Variants in TMX3 observed in about 807,000 individuals in gnomAD.
TMX3 encodes the protein protein disulfide-isomerase TMX3.
TMX3 carries 40 observed loss-of-function variants against 64.4 expected under a neutral mutation model. The ratio of observed to expected loss-of-function variants is 0.62; its 90% CI spans 0.48 to 0.81. TMX3 has a LOEUF of 0.81. Among genes scored for constraint, TMX3 ranks in the 30% least tolerant of loss-of-function variants. The probability of loss-of-function intolerance (pLI) is 0.00; values close to 1 mark genes in which losing one functional copy is unlikely to be tolerated. For missense variants in TMX3, 497 were observed against 534.5 expected (o/e 0.93, Z 0.69); for synonymous variants, 189 against 175.7 (o/e 1.08, Z -0.60).
At chr18:68,698,378 G>A (rs1169298749) in intron 6 of TMX3, among the ~76,000 whole-genome samples, 4 of 152,102 alleles carry the variant, frequency 2.6e-5, no homozygotes, top group Non-Finnish European at 5.9e-5. Context: ...ATTCCCAAGA[G>A]AGTTATTTTT....
intron 4 of TMX3, 24 bp from the exon 5 acceptor site, chr18:68,701,814 A>G: frequency 6.3e-7 from 1 of 1,598,584 alleles, no homozygotes; most frequent in South Asian, 1.1e-5. Flanking sequence ...AGAATAAAGC[A>G]TTCTAAATTT....
At position 68,676,408 on chromosome 18, in the gene TMX3, A is replaced by C. The variant is rs561041386; in HGVS notation, c.*525T>G. 6.6e-6 allele frequency: 1 copy of C among 152,648 alleles called. No homozygotes were observed. Among genetic ancestry groups the C allele is most frequent in the Non-Finnish European group, 1.5e-5 (1 of 68,410 alleles). 9.5% of individuals were successfully genotyped at this position (152,648 alleles called of 1,614,324 possible). On this transcript the variant is annotated 3_prime_UTR_variant, in exon 16 of 16. Transcript: ENST00000299608. Reference sequence around the variant, plus strand: ...AAATAACTAACAAAATAAAACCACTATGCTATATAAAACCACATTATTTTT... The same window carrying C: ...AAATAACTAACAAAATAAAACCACTCTGCTATATAAAACCACATTATTTTT...
chr18:68,698,119 GTTA>G, intron 6 of TMX3, 88 bp from the exon 7 acceptor site: 2 of 821,346 alleles, frequency 2.4e-6, no homozygotes, highest in Middle Eastern at 3.1e-4. Context: ...CATGTCTCAA[GTTA>G]TTAAGTTTCA....
intron 9 of TMX3, 82 bp downstream of exon 9, chr18:68,691,213 T>C: frequency 1.0e-6 from 1 of 957,934 alleles, no homozygotes; most frequent in South Asian, 1.9e-5. Flanking sequence ...GTAGAAGCAT[T>C]TACATAATCT....
At chr18:68,681,139 A>G (rs750900854) in intron 13 of TMX3, 29 bp from the exon 14 acceptor site, 3 of 1,507,764 alleles carry the variant, frequency 2.0e-6, no homozygotes, top group East Asian at 2.4e-5. Flanking sequence ...ATCAAAATAT[A>G]CATTAAACAC....
Position 68,700,486 on chromosome 18 carries a change from C to A in TMX3, c.312-1G>T. 1.3e-6 allele frequency: 2 copies of A among 1,483,132 alleles called. No homozygotes were observed. The highest frequency in any genetic ancestry group is 1.8e-6 in the Non-Finnish European group (2 of 1,105,226). The allele number at this position is 1,483,132 out of a possible 1,614,324, so 91.9% of individuals were successfully genotyped here. ...ATTATATGCCAAGTCCCCTTTTAAT[C>A]TTTAAAAAAAAAAAAAAATTAAAAC... On this transcript the variant is annotated splice_acceptor_variant, in intron 5 of 15. Coordinates refer to ENST00000299608, the MANE Select transcript of TMX3 (RefSeq NM_019022.5). LOFTEE classifies it high-confidence loss of function.
intron 10 of TMX3, chr18:68,687,327 T>C (rs1474230484): frequency 1.0e-6 from 1 of 985,392 alleles, no homozygotes; most frequent in Non-Finnish European, 1.2e-6. Context: ...GCCTTATAAA[T>C]AGGTTGTGCT....
chr18:68,698,894 C>CGCGGTAGCGGGT (rs1215910598), intron 6 of TMX3, among the ~76,000 whole-genome samples: 74 of 151,282 alleles, frequency 4.9e-4, no homozygotes, highest in South Asian at 1.5e-3. Flanking sequence ...TGGTAGCGGG[C>CGCGGTAGCGGGT]GCCTGTAGTC....
At chr18:68,687,337 TAA>T in intron 10 of TMX3, 1 of 985,422 alleles carries the variant, frequency 1.0e-6, no homozygotes, top group Non-Finnish European at 1.2e-6. Flanking sequence ...TAGGTTGTGC[TAA>T]GTTTTATTTT....
chr18:68,701,893 C>A, intron 4 of TMX3, 103 bp from the exon 5 acceptor site: 1 of 818,890 alleles, frequency 1.2e-6, no homozygotes, highest in Non-Finnish European at 1.9e-6. Context: ...TTATACAACC[C>A]ATATAGATAC....
intron 4 of TMX3, among the ~76,000 whole-genome samples, chr18:68,708,285 C>G (rs1013807777): frequency 6.6e-6 from 1 of 152,022 alleles, no homozygotes; most frequent in African/African-American, 2.4e-5. Flanking sequence ...TCAATAATTC[C>G]AGCACTAATA....
chr18:68,695,323 C>T (rs1282686411), intron 8 of TMX3, among the ~76,000 whole-genome samples: 1 of 152,202 alleles, frequency 6.6e-6, no homozygotes. Flanking sequence ...TTCTCACTTT[C>T]CTTTGCTGAC....
At chr18:68,698,679 C>T (rs974775960) in intron 6 of TMX3, among the ~76,000 whole-genome samples, 7 of 151,898 alleles carry the variant, frequency 4.6e-5, no homozygotes, top group African/African-American at 7.3e-5. Context: ...CAATGAATTA[C>T]GTCATAGGTT....
intron 2 of TMX3, among the ~76,000 whole-genome samples, chr18:68,712,137 G>A (rs936299089): frequency 6.6e-6 from 1 of 152,144 alleles, no homozygotes; most frequent in Non-Finnish European, 1.5e-5. Context: ...AACAAAGGTG[G>A]TCTTGTAGGG....
chr18:68,687,862 A>G, intron 9 of TMX3, 97 bp from the exon 10 acceptor site: 2 of 771,184 alleles, frequency 2.6e-6, no homozygotes, highest in Non-Finnish European at 4.0e-6. Flanking sequence ...CGCCTGACAG[A>G]GAATCATACT....
At chr18:68,713,594 GAA>G (rs2031532205) in intron 2 of TMX3, among the ~76,000 whole-genome samples, 1 of 151,960 alleles carries the variant, frequency 6.6e-6, no homozygotes, top group South Asian at 2.1e-4. Context: ...ATAATTAAAG[GAA>G]AAAGACATAA....
intron 6 of TMX3, among the ~76,000 whole-genome samples, 174 bp from the exon 7 acceptor site, chr18:68,698,205 C>G (rs978186517): frequency 6.6e-6 from 1 of 152,176 alleles, no homozygotes; most frequent in Non-Finnish European, 1.5e-5. Context: ...TCCATGACTA[C>G]TATTGCACAT....
chr18:68,710,014 G>A lies in TMX3; in HGVS notation c.265+7C>T, dbSNP rs1267882778. ...ACAGTAAAATAATAAACTAAGTGAAGGCTTACTAGAATAGGAAGTAGCATC... is the reference window on the plus strand; with the variant it reads ...ACAGTAAAATAATAAACTAAGTGAAAGCTTACTAGAATAGGAAGTAGCATC... On this transcript the variant is annotated splice_region_variant and intron_variant, in intron 4 of 15. Coordinates refer to ENST00000299608, the MANE Select transcript of TMX3 (RefSeq NM_019022.5). 1.3e-6 allele frequency: 2 copies of A among 1,578,886 alleles called. No homozygotes were observed. The highest frequency in any genetic ancestry group is 1.7e-6 in the Non-Finnish European group (2 of 1,165,662).
chr18:68,698,734 G>T (rs1915357951), intron 6 of TMX3, among the ~76,000 whole-genome samples: 1 of 151,938 alleles, frequency 6.6e-6, no homozygotes, highest in South Asian at 2.1e-4. Context: ...ACTAAGAAGA[G>T]GGCCGGGGGC....
Sources: allele counts gnomAD v4.1 joint callset (sites outside exome capture counted in the v4.1 genomes callset), GRCh38; gene constraint gnomAD v4.1.1; transcripts MANE v1.5; gene names NCBI Gene and HGNC (gene_info 2026-07-23, HGNC 2026-07-21).